Variants in FGD6 observed in about 807,000 individuals in gnomAD.
FGD6 encodes FYVE, RhoGEF and PH domain-containing protein 6.
FGD6 carries 90 observed loss-of-function variants against 149.4 expected under a neutral mutation model. The observed-to-expected ratio is 0.60, with a 90% CI of 0.51 to 0.72. FGD6 has a LOEUF of 0.72. FGD6 is among the 30% of genes least tolerant of loss of function. The pLI is 0.00. For synonymous variants in FGD6, 527 were observed against 584.0 expected (o/e 0.90, Z 1.41); for missense variants, 1,437 against 1,684.8 (o/e 0.85, Z 2.57).
At chr12:95,114,107 C>T in intron 8 of FGD6, among the ~76,000 whole-genome samples, 1 of 152,152 alleles carries the variant, frequency 6.6e-6, no homozygotes, top group East Asian at 1.9e-4. Context: ...AGGCATTAAT[C>T]CAATCCCTAA....
chr12:95,103,459 G>C (rs757146170), intron 14 of FGD6, among the ~76,000 whole-genome samples: 2 of 152,132 alleles, frequency 1.3e-5, no homozygotes, highest in East Asian at 3.9e-4. Flanking sequence ...TTACATTATG[G>C]CAACATATTA....
At chr12:95,108,665 C>A in intron 9 of FGD6, 104 bp from the exon 10 acceptor site, 1 of 1,306,608 alleles carries the variant, frequency 7.7e-7, no homozygotes, top group Non-Finnish European at 1.1e-6. Context: ...TTTATAGCAA[C>A]CAACCTCTGG....
chr12:95,211,370 C>A (rs552115508), intron 1 of FGD6, 103 bp from the exon 2 acceptor site: 2 of 1,357,638 alleles, frequency 1.5e-6, no homozygotes, highest in Non-Finnish European at 2.0e-6. Context: ...TATGACCTTG[C>A]CTTTTACTGA....
chr12:95,101,749 C>T (rs935117684), intron 14 of FGD6, among the ~76,000 whole-genome samples: 7 of 128,626 alleles, frequency 5.4e-5, no homozygotes, highest in Non-Finnish European at 1.5e-5. Context: ...GTGGTGCGAT[C>T]TCGGCTCACT....
chr12:95,108,011 C>CATA (rs1429779380), intron 11 of FGD6, among the ~76,000 whole-genome samples: 2 of 152,196 alleles, frequency 1.3e-5, no homozygotes, highest in Admixed American at 1.3e-4. Context: ...CCCCTCCCTT[C>CATA]ATAATCCTCT....
chr12:95,137,840 C>T (rs891514618), intron 6 of FGD6, among the ~76,000 whole-genome samples, 162 bp from the exon 7 acceptor site: 4 of 152,288 alleles, frequency 2.6e-5, no homozygotes, highest in South Asian at 2.1e-4. Context: ...CTGCCACCAT[C>T]CCATCTTGCC....
intron 9 of FGD6, among the ~76,000 whole-genome samples, chr12:95,109,981 G>A (rs962234072): frequency 1.6e-5 from 2 of 124,316 alleles, no homozygotes; most frequent in Non-Finnish European, 3.4e-5. Context: ...CAGCCGTGGA[G>A]GCTTCTGTAT....
rs1335976232 is a variant in FGD6, at chr12:95,091,955, T to C, written c.3748-146A>G. ...TCTCACTTCGTCTCAATAATAACTC[T>C]GGAGTTCAGGCATATAGTGAACTAA... On this transcript the variant is annotated intron_variant, in intron 16 of 20. Coordinates refer to ENST00000343958, the MANE Select transcript of FGD6 (RefSeq NM_018351.4). 7.0e-5 allele frequency: 44 copies of C among 625,710 alleles called. No homozygotes were observed. The East Asian group carries it at 1.2e-3, about 18-fold the overall frequency. 38.8% of individuals were successfully genotyped at this position (625,710 alleles called of 1,614,324 possible).
intron 8 of FGD6, among the ~76,000 whole-genome samples, chr12:95,124,941 A>C (rs1307809526): frequency 6.6e-6 from 1 of 152,210 alleles, no homozygotes; most frequent in Non-Finnish European, 1.5e-5. Context: ...ACCTGATCTT[A>C]TTTAATGCAG....
At chr12:95,108,219 G>A (rs912816054) in intron 11 of FGD6, 129 bp downstream of exon 11, 2 of 795,510 alleles carry the variant, frequency 2.5e-6, no homozygotes, top group Middle Eastern at 3.8e-4. Flanking sequence ...GTTTTGAACG[G>A]ATAAAGTGAT....
chr12:95,208,320 G>A (rs1180701271), intron 2 of FGD6, among the ~76,000 whole-genome samples: 1 of 151,972 alleles, frequency 6.6e-6, no homozygotes, highest in Non-Finnish European at 1.5e-5. Flanking sequence ...CGTGTTTCCT[G>A]CATTTTTCCT....
At chr12:95,156,803 T>C (rs1880486679) in intron 3 of FGD6, among the ~76,000 whole-genome samples, 1 of 152,150 alleles carries the variant, frequency 6.6e-6, no homozygotes, top group Admixed American at 6.6e-5. Context: ...TCTATCCCTT[T>C]ATTTCTCAGA....
intron 2 of FGD6, among the ~76,000 whole-genome samples, chr12:95,182,701 CCTT>C (rs1254103525): frequency 6.6e-6 from 1 of 152,130 alleles, no homozygotes; most frequent in Non-Finnish European, 1.5e-5. Context: ...CCTACTGAGA[CCTT>C]CTTAAACAGA....
At chr12:95,212,024 A>C (rs2056730470) in intron 1 of FGD6, among the ~76,000 whole-genome samples, 1 of 152,230 alleles carries the variant, frequency 6.6e-6, no homozygotes, top group Non-Finnish European at 1.5e-5. Flanking sequence ...ACCCCAAAAC[A>C]ATATTAAAAA....
intron 3 of FGD6, among the ~76,000 whole-genome samples, chr12:95,167,534 T>C (rs553788209): frequency 6.6e-6 from 1 of 152,024 alleles, no homozygotes; most frequent in East Asian, 1.9e-4. Context: ...TTTAGTCTAT[T>C]CAGATTCTTA....
intron 12 of FGD6, 70 bp from the exon 13 acceptor site, chr12:95,107,107 A>G: frequency 8.8e-7 from 1 of 1,135,622 alleles, no homozygotes. Context: ...TTGACAAGAT[A>G]CAAGATTAAA....
At chr12:95,100,947 C>A in intron 14 of FGD6, 1 of 372,404 alleles carries the variant, frequency 2.7e-6, no homozygotes, top group Non-Finnish European at 5.2e-6. Context: ...ACCCAGCTAC[C>A]ACTGGCAGGA....
At chr12:95,168,824 TA>T (rs1880902092) in intron 3 of FGD6, among the ~76,000 whole-genome samples, 1 of 152,166 alleles carries the variant, frequency 6.6e-6, no homozygotes, top group Non-Finnish European at 1.5e-5. Context: ...ATGGGGAAAC[TA>T]AGGCAAAGTA....
chr12:95,083,177 T>G (rs1246365284), intron 20 of FGD6, among the ~76,000 whole-genome samples: 2 of 151,000 alleles, frequency 1.3e-5, no homozygotes, highest in South Asian at 2.1e-4. Flanking sequence ...AATTTAATAT[T>G]GAACATAAAT....
Sources: allele counts gnomAD v4.1 joint callset (sites outside exome capture counted in the v4.1 genomes callset), GRCh38; gene constraint gnomAD v4.1.1; transcripts MANE v1.5; gene names NCBI Gene and HGNC (gene_info 2026-07-23, HGNC 2026-07-21).